APBB2: variants seen among roughly 807,000 people sequenced by gnomAD.
The protein encoded by APBB2 is amyloid beta precursor protein binding family B member 2.
A neutral mutation model predicts 82.5 loss-of-function variants in APBB2; 38 were observed. The ratio of observed to expected loss-of-function variants is 0.46; its 90% CI spans 0.36 to 0.60. The LOEUF is 0.60. APBB2 is among the 20% of genes least tolerant of loss of function. The pLI is 0.00. For synonymous variants in APBB2, 341 were observed against 368.2 expected (o/e 0.93, Z 0.85); for missense variants, 772 against 972.3 (o/e 0.79, Z 2.74).
At chr4:40,825,829 G>T in intron 15 of APBB2, 58 bp downstream of exon 15, 1 of 1,405,408 alleles carries the variant, frequency 7.1e-7, no homozygotes, top group Non-Finnish European at 1.0e-6. Context: ...GAGGGCGAAC[G>T]CCTCCTGTGA....
intron 1 of APBB2, among the ~76,000 whole-genome samples, chr4:41,186,417 G>A (rs916601068): frequency 6.6e-6 from 1 of 152,154 alleles, no homozygotes; most frequent in Admixed American, 6.5e-5. Context: ...GCTTTGCAGG[G>A]CTGTGTATGT....
At position 41,097,460 on chromosome 4, in the gene APBB2, A is replaced by G. The variant is rs560961701; in HGVS notation, c.-149+3179T>C. Among the ~76,000 whole-genome samples the G allele has an allele frequency of 2.9e-3, 447 of 152,370 alleles. 5 individuals carry two copies. The highest frequency in any genetic ancestry group is 4.9e-3 in the Non-Finnish European group (336 of 68,038). ...TAACTGAAAGCCAGGACAGCCCAAA[A>G]TTAAACAAAAGGCTAAGATCCAGTT... On this transcript the variant is annotated intron_variant, in intron 3 of 17. Transcript: ENST00000508593.
intron 1 of APBB2, among the ~76,000 whole-genome samples, chr4:41,146,731 AG>A (rs1424126844): frequency 3.3e-5 from 5 of 152,218 alleles, no homozygotes; most frequent in African/African-American, 1.2e-4. Flanking sequence ...CTGAAAAGCC[AG>A]GGGAGAGAGG....
intron 12 of APBB2, among the ~76,000 whole-genome samples, chr4:40,845,588 C>CAAAAAAAAAAAAAAAAAAAAA (rs71198606): frequency 7.1e-5 from 4 of 56,478 alleles, no homozygotes; most frequent in Non-Finnish European, 1.2e-4. Flanking sequence ...GGAAATTCCT[C>CAAAAAAAAAAAAAAAAAAAAA]AAAAAAAAAA....
chr4:40,988,831 T>A (rs1801176084), intron 6 of APBB2, among the ~76,000 whole-genome samples: 1 of 150,548 alleles, frequency 6.6e-6, no homozygotes, highest in African/African-American at 2.4e-5. Context: ...AGTGGCATGA[T>A]CTTGGCTCAC....
At chr4:40,893,445 C>G (rs1560815959) in intron 10 of APBB2, 34 bp from the exon 11 acceptor site, 1 of 1,576,116 alleles carries the variant, frequency 6.3e-7, no homozygotes, top group Non-Finnish European at 8.6e-7. Context: ...AGAAGTCACT[C>G]CATGGTTTGG....
intron 12 of APBB2, among the ~76,000 whole-genome samples, chr4:40,883,380 A>C (rs1769251323): frequency 6.6e-6 from 1 of 152,138 alleles, no homozygotes; most frequent in Non-Finnish European, 1.5e-5. Flanking sequence ...TGATGTCAGC[A>C]GTTCAAGACC....
chr4:41,012,565 T>A (rs1281929316), intron 6 of APBB2, among the ~76,000 whole-genome samples: 2 of 152,214 alleles, frequency 1.3e-5, no homozygotes, highest in African/African-American at 4.8e-5. Context: ...TCAAAAACGC[T>A]ACTTTTTTTT....
intron 6 of APBB2, among the ~76,000 whole-genome samples, chr4:40,966,549 C>A (rs1190718424): frequency 6.6e-6 from 1 of 152,232 alleles, no homozygotes; most frequent in Non-Finnish European, 1.5e-5. Context: ...CCTAGAAAGC[C>A]CCCTGCCCCT....
intron 3 of APBB2, among the ~76,000 whole-genome samples, chr4:41,075,028 G>A (rs1454987248): frequency 6.6e-6 from 1 of 152,100 alleles, no homozygotes; most frequent in South Asian, 2.1e-4. Flanking sequence ...AGCTACCTGG[G>A]GGGCTGAGGC....
chr4:40,966,984 T>A (rs1794814975), intron 6 of APBB2, among the ~76,000 whole-genome samples: 1 of 152,204 alleles, frequency 6.6e-6, no homozygotes, highest in Non-Finnish European at 1.5e-5. Context: ...GGTGCTTTTT[T>A]AGGCCTGCCC....
intron 2 of APBB2, among the ~76,000 whole-genome samples, chr4:41,123,215 T>A (rs1306576429): frequency 6.6e-6 from 1 of 151,988 alleles, no homozygotes; most frequent in Non-Finnish European, 1.5e-5. Flanking sequence ...GGGGCTTTTG[T>A]TAGGCTCACC....
intron 12 of APBB2, among the ~76,000 whole-genome samples, chr4:40,876,275 T>G (rs1229965906): frequency 6.6e-6 from 1 of 152,258 alleles, no homozygotes; most frequent in East Asian, 1.9e-4. Flanking sequence ...TTTGACAATA[T>G]GTACCTGTGA....
chr4:41,000,367 T>C (rs1197749368), intron 6 of APBB2, among the ~76,000 whole-genome samples: 1 of 152,196 alleles, frequency 6.6e-6, no homozygotes, highest in East Asian at 1.9e-4. Flanking sequence ...GTAATTCTAG[T>C]GACAGCTAAC....
intron 1 of APBB2, among the ~76,000 whole-genome samples, chr4:41,189,615 C>G (rs1183145703): frequency 6.6e-6 from 1 of 152,148 alleles, no homozygotes; most frequent in Non-Finnish European, 1.5e-5. Context: ...GAAAATCAAG[C>G]AATAAAAGCA....
intron 6 of APBB2, among the ~76,000 whole-genome samples, chr4:40,994,507 C>T (rs1803069509): frequency 6.6e-6 from 1 of 151,812 alleles, no homozygotes; most frequent in Admixed American, 6.6e-5. Context: ...ATCTTTAACT[C>T]AGTAGAAAAT....
chr4:41,135,169 C>CAAAAAAAAA (rs5857778), intron 2 of APBB2, among the ~76,000 whole-genome samples: 2 of 99,582 alleles, frequency 2.0e-5, no homozygotes, highest in Non-Finnish European at 2.0e-5. Context: ...CTTGAGCCCT[C>CAAAAAAAAA]AAAAAAAAAA....
intron 5 of APBB2, among the ~76,000 whole-genome samples, chr4:41,022,689 G>C (rs1712141739): frequency 6.6e-6 from 1 of 152,172 alleles, no homozygotes; most frequent in African/African-American, 2.4e-5. Context: ...CCAGCACAGA[G>C]GCCTAGCACA....
At chr4:41,108,234 AC>A (rs1358339865) in intron 2 of APBB2, among the ~76,000 whole-genome samples, 1 of 152,184 alleles carries the variant, frequency 6.6e-6, no homozygotes, top group Admixed American at 6.5e-5. Flanking sequence ...ACCTATAAAA[AC>A]TAGTAACCAT....
Sources: gnomAD v4.1 joint callset for allele counts (sites outside exome capture counted in the v4.1 genomes callset) on GRCh38, gnomAD v4.1.1 for gene constraint, MANE v1.5 for transcripts, NCBI Gene and HGNC (gene_info 2026-07-23, HGNC 2026-07-21) for gene names.